Variants in NADSYN1 observed in about 807,000 individuals in gnomAD.
The protein encoded by NADSYN1 is glutamine-dependent NAD(+) synthetase.
Under a neutral mutation model 99.3 loss-of-function variants are expected in NADSYN1, and 80 were observed. The observed-to-expected ratio is 0.81, with a 90% CI of 0.67 to 0.97. The LOEUF is 0.97. NADSYN1 is among the 50% of genes least tolerant of loss of function. NADSYN1 has a pLI of 0.00. For synonymous variants in NADSYN1, 385 were observed against 372.1 expected, an observed-to-expected ratio of 1.03 and a Z score of -0.40; for missense variants, 859 against 948.5, an observed-to-expected ratio of 0.91 and a Z score of 1.24.
intron 2 of NADSYN1, chr11:71,455,530 G>A: frequency 4.1e-6 from 1 of 244,042 alleles, no homozygotes; most frequent in Non-Finnish European, 8.0e-6. Flanking sequence ...TAAGAGATGA[G>A]GCCTTTGGCA....
chr11:71,497,532 G>A lies in NADSYN1; in HGVS notation c.1814G>A (p.Arg605Lys), dbSNP rs754704081. Residue 605 changes from arginine (R) to lysine (K), a missense_variant, in exon 19 of 21, where the codon AGG becomes AAG. Arg to Lys is a conservative substitution (Grantham distance 26, BLOSUM62 2). Transcript: ENST00000319023. ...YAELSVYGKL[R>K]KVAKMGPYSM... The stretch of plus-strand genomic sequence containing the variant: ...GAGCTCTCGGTCTATGGGAAACTCA[G>A]GAAGGTGGCCAAGATGGGGCCCTAC... 3.1e-6 allele frequency: 5 copies of A among 1,614,164 alleles called. No individual in the cohort carries two copies. The South Asian group carries it at 5.5e-5, about 18-fold the overall frequency.
In NADSYN1 at chr11:71,482,313, A is replaced by G. The variant is rs563888841; in HGVS notation, c.1150+288A>G. ...CTGGTGGGGAGAACACAGGCGTCGG[A>G]GGTTCACATCCTCCCCCATGTGATA... On this transcript the variant is annotated intron_variant, in intron 13 of 20. Coordinates refer to ENST00000319023, the MANE Select transcript of NADSYN1 (RefSeq NM_018161.5). Among the ~76,000 whole-genome samples the G allele has an allele frequency of 2.0e-5, 3 of 152,330 alleles. No homozygotes were observed. The East Asian group carries it at 5.8e-4, about 29-fold the overall frequency.
intron 16 of NADSYN1, among the ~76,000 whole-genome samples, chr11:71,489,736 T>C (rs926347104): frequency 1.3e-5 from 2 of 152,132 alleles, no homozygotes; most frequent in African/African-American, 4.8e-5. Flanking sequence ...ACCCCCGACA[T>C]TGCACCACAG....
rs778988483 is a variant in NADSYN1, at chr11:71,481,446, G to A, written c.1047+42G>A. 10 of 1,596,858 alleles carry A rather than the reference G, an allele frequency of 6.3e-6. No individual in the cohort carries two copies. The African/African-American group carries it at 9.4e-5, about 15-fold the overall frequency. On this transcript the variant is annotated intron_variant, in intron 12 of 20. Coordinates refer to ENST00000319023, the MANE Select transcript of NADSYN1 (RefSeq NM_018161.5). ...CTAGTGAGCCCACTTTGCTTGTTCT[G>A]CTGGTTGGTCTGGTTTTATTCTGGG...
chr11:71,456,069 G>A (rs1047727119), intron 2 of NADSYN1, among the ~76,000 whole-genome samples: 13 of 152,178 alleles, frequency 8.5e-5, no homozygotes, highest in African/African-American at 2.4e-4. Flanking sequence ...CCTCTGACCC[G>A]TTGTGGGATC....
chr11:71,468,317 A>G (rs1225674956), intron 5 of NADSYN1, among the ~76,000 whole-genome samples: 1 of 152,234 alleles, frequency 6.6e-6, no homozygotes, highest in Non-Finnish European at 1.5e-5. Flanking sequence ...AACAAATGGG[A>G]CTGTATGAAA....
intron 5 of NADSYN1, among the ~76,000 whole-genome samples, chr11:71,471,784 C>T (rs1429460389): frequency 6.6e-6 from 1 of 152,176 alleles, no homozygotes; most frequent in Non-Finnish European, 1.5e-5. Flanking sequence ...TTTAACATTT[C>T]TTAAGTAGAG....
chr11:71,485,676 G>A (rs1010280529), intron 16 of NADSYN1, 28 bp downstream of exon 16: 13 of 1,506,344 alleles, frequency 8.6e-6, no homozygotes, highest in African/African-American at 1.4e-5. Flanking sequence ...GCACGTGGTG[G>A]TGGGCCCCTG....
chr11:71,476,769 T>A, intron 9 of NADSYN1: 1 of 985,646 alleles, frequency 1.0e-6, no homozygotes, highest in Non-Finnish European at 1.2e-6. Context: ...TTGGCAGGTG[T>A]GTTGGCAATC....
At chr11:71,501,241 G>A in intron 20 of NADSYN1, 61 bp from the exon 21 acceptor site, 1 of 1,438,590 alleles carries the variant, frequency 7.0e-7, no homozygotes, top group South Asian at 1.5e-5. Flanking sequence ...GCGTGCCAGT[G>A]TTTCAACAGC....
chr11:71,462,095 C>T (rs80061707), intron 3 of NADSYN1, among the ~76,000 whole-genome samples: 6,079 of 152,270 alleles, frequency 0.04, 404 homozygotes, highest in African/African-American at 0.14. Flanking sequence ...AACCGCTTCT[C>T]TCAGAGGGGC....
intron 17 of NADSYN1, among the ~76,000 whole-genome samples, chr11:71,491,559 G>A (rs886134755): frequency 4.6e-5 from 7 of 152,198 alleles, no homozygotes; most frequent in Non-Finnish European, 1.0e-4. Context: ...CTCGACCTAG[G>A]TGTGCCCGGT....
chr11:71,484,285 C>G, intron 14 of NADSYN1, 27 bp from the exon 15 acceptor site: 1 of 1,608,362 alleles, frequency 6.2e-7, no homozygotes, highest in South Asian at 1.1e-5. Flanking sequence ...CACATGCTGC[C>G]TTCAACGCCT....
Position 71,501,627 on chromosome 11 carries a change from G to A in NADSYN1, c.*275G>A, listed in dbSNP as rs757501108. 1.0e-5 allele frequency: 5 copies of A among 487,508 alleles called. No homozygotes were observed. The highest frequency in any genetic ancestry group is 2.0e-5 in the African/African-American group (1 of 50,968). The allele number at this position is 487,508 out of a possible 1,614,324, so 30.2% of individuals were successfully genotyped here. A position where few individuals can be genotyped will look rare whatever the true frequency, so the allele number is the denominator to read the frequency against. ...GGCATTCTCCGAAGGAAGCCGCCTGGGTAGGAGGGTTCCAACCGCCGCCCC... is the reference window on the plus strand; with the variant it reads ...GGCATTCTCCGAAGGAAGCCGCCTGAGTAGGAGGGTTCCAACCGCCGCCCC... On this transcript the variant is annotated 3_prime_UTR_variant, in exon 21 of 21. Coordinates refer to ENST00000319023, the MANE Select transcript of NADSYN1 (RefSeq NM_018161.5).
intron 5 of NADSYN1, among the ~76,000 whole-genome samples, chr11:71,466,439 G>A (rs142318974): frequency 1.3e-3 from 204 of 152,330 alleles, no homozygotes; most frequent in African/African-American, 4.6e-3. Flanking sequence ...CTGGGCCTGG[G>A]AGGTGGTCCA....
chr11:71,484,368 G>A lies in NADSYN1; in HGVS notation c.1376G>A (p.Ser459Asn). 5.0e-6 allele frequency: 8 copies of A among 1,614,242 alleles called. No homozygotes were observed. The highest frequency in any genetic ancestry group is 6.8e-6 in the Non-Finnish European group (8 of 1,180,036). The change falls in exon 15 of 21, where the codon AGC becomes AAC. Residue 459 changes from serine (S) to asparagine (N), a missense_variant. Transcript: ENST00000319023. Reference sequence around the variant, plus strand: ...GTGAAGGCCGTCATGGGCATCTTCAGCCTGGTGACGGGGAAGAGCCCTCTG... The same window carrying A: ...GTGAAGGCCGTCATGGGCATCTTCAACCTGGTGACGGGGAAGAGCCCTCTG... ...PAVKAVMGIF[S>N]LVTGKSPLFA...
chr11:71,470,989 A>C (rs1205886938), intron 5 of NADSYN1, among the ~76,000 whole-genome samples: 1 of 152,130 alleles, frequency 6.6e-6, no homozygotes, highest in African/African-American at 2.4e-5. Context: ...TCTTATCTGC[A>C]AGTATTTTAA....
chr11:71,491,966 C>T (rs2120510122), intron 18 of NADSYN1, 63 bp downstream of exon 18: 2 of 1,458,296 alleles, frequency 1.4e-6, no homozygotes, highest in Non-Finnish European at 1.9e-6. Context: ...TGTGGTGGTG[C>T]TGGCTCTTCC....
At position 71,473,506 on chromosome 11, in the gene NADSYN1, T is replaced by A. The variant is rs757802857; in HGVS notation, c.549-63T>A. 8 of 1,546,610 alleles carry A rather than the reference T, an allele frequency of 5.2e-6. No individual in the cohort carries two copies. The African/African-American group carries it at 8.1e-5, about 16-fold the overall frequency. ...GCTGCCGTGGGAGAGTGCAAGGGGC[T>A]GCCAGGGAGGCTGGTTTGGAGGAGT... On this transcript the variant is annotated intron_variant, in intron 7 of 20. Coordinates refer to ENST00000319023, the MANE Select transcript of NADSYN1 (RefSeq NM_018161.5).
Sources: gnomAD v4.1 joint callset for allele counts (sites outside exome capture counted in the v4.1 genomes callset) on GRCh38, gnomAD v4.1.1 for gene constraint, MANE v1.5 for transcripts, NCBI Gene and HGNC (gene_info 2026-07-23, HGNC 2026-07-21) for gene names.